Variants in DGKI observed in about 807,000 individuals in gnomAD.
DGKI encodes DAG kinase iota.
Under a neutral mutation model 147.5 loss-of-function variants are expected in DGKI, and 55 were observed. The observed-to-expected ratio is 0.37, with a 90% CI of 0.30 to 0.47. The LOEUF (loss-of-function observed/expected upper bound fraction) is 0.47, where lower values mean the gene tolerates loss of function less well. Among genes scored for constraint, DGKI ranks in the 20% least tolerant of loss-of-function variants. The probability of loss-of-function intolerance (pLI) is 1.00; values close to 1 mark genes in which losing one functional copy is unlikely to be tolerated. For missense variants in DGKI, 1,007 were observed against 1,323.8 expected (o/e 0.76, Z 3.71); for synonymous variants, 469 against 477.1 (o/e 0.98, Z 0.22).
chr7:137,640,680 T>A (rs1821593275), intron 6 of DGKI, among the ~76,000 whole-genome samples: 1 of 152,182 alleles, frequency 6.6e-6, no homozygotes, highest in South Asian at 2.1e-4. Flanking sequence ...CCATTATTTT[T>A]ATACTCTGTA....
rs1811457437 is a variant in DGKI at position 137,393,995 on chromosome 7, G to GT, written c.3057+1602dup. Reference sequence around the variant, plus strand: ...TTAATTAGGCTTCTAAGTAATCTATGTATGTGTCATGGTTACAACCATTGG... The same window carrying GT: ...TTAATTAGGCTTCTAAGTAATCTATGTTATGTGTCATGGTTACAACCATTGG... On this transcript the variant is annotated intron_variant, in intron 32 of 32. Coordinates refer to ENST00000614521, the MANE Select transcript of DGKI (RefSeq NM_001321708.2). Among the ~76,000 whole-genome samples the GT allele has an allele frequency of 2.3e-4, 35 of 152,290 alleles. 3 individuals are homozygous for GT. In the South Asian group the frequency reaches 7.3e-3, roughly 32 times the overall value.
intron 1 of DGKI, among the ~76,000 whole-genome samples, chr7:137,750,748 T>A (rs1472224240): frequency 1.3e-5 from 2 of 152,138 alleles, no homozygotes; most frequent in Non-Finnish European, 2.9e-5. Flanking sequence ...TTCAATACTT[T>A]ACTCCTACAT....
intron 3 of DGKI, among the ~76,000 whole-genome samples, chr7:137,667,703 T>A (rs1306511406): frequency 1.3e-5 from 2 of 152,224 alleles, no homozygotes; most frequent in African/African-American, 2.4e-5. Flanking sequence ...AAGTTAGTTA[T>A]CCTTTCACTG....
intron 1 of DGKI, among the ~76,000 whole-genome samples, chr7:137,838,730 G>A (rs1361404912): frequency 1.3e-5 from 2 of 152,118 alleles, no homozygotes; most frequent in Non-Finnish European, 2.9e-5. Context: ...ACAGTCCTGA[G>A]CCGTTTTATT....
At chr7:137,604,752 A>G (rs997311817) in intron 10 of DGKI, among the ~76,000 whole-genome samples, 11 of 152,184 alleles carry the variant, frequency 7.2e-5, no homozygotes, top group African/African-American at 2.4e-5. Context: ...AGGTCACTGG[A>G]AGAGAAAGTC....
At chr7:137,673,002 G>C (rs1442500512) in intron 3 of DGKI, among the ~76,000 whole-genome samples, 1 of 151,854 alleles carries the variant, frequency 6.6e-6, no homozygotes, top group Admixed American at 6.6e-5. Flanking sequence ...GGCTGGTCTT[G>C]AACTCCCGAC....
At chr7:137,706,019 T>C (rs1794010278) in intron 1 of DGKI, among the ~76,000 whole-genome samples, 1 of 152,166 alleles carries the variant, frequency 6.6e-6, no homozygotes, top group South Asian at 2.1e-4. Context: ...CCAAGCATGC[T>C]AGTCTATTAA....
At chr7:137,755,939 C>A (rs955085639) in intron 1 of DGKI, among the ~76,000 whole-genome samples, 1 of 152,144 alleles carries the variant, frequency 6.6e-6, no homozygotes, top group African/African-American at 2.4e-5. Flanking sequence ...AATGGGTAAC[C>A]AAGCATGTCC....
At chr7:137,815,165 C>CTAGAA (rs1297690695) in intron 1 of DGKI, among the ~76,000 whole-genome samples, 24 of 152,024 alleles carry the variant, frequency 1.6e-4, no homozygotes, top group African/African-American at 5.8e-4. Flanking sequence ...GAATTCCTTC[C>CTAGAA]CCTGAATCTT....
At position 137,457,613 on chromosome 7, in the gene DGKI, C is replaced by T. The variant is rs188482250; in HGVS notation, c.2735+5876G>A. Among the ~76,000 whole-genome samples, 16 of 152,136 alleles carry T rather than the reference C, an allele frequency of 1.1e-4. No individual in the cohort carries two copies. The East Asian group carries it at 3.1e-3, about 29-fold the overall frequency. On this transcript the variant is annotated intron_variant, in intron 27 of 32. Coordinates refer to ENST00000614521, the MANE Select transcript of DGKI (RefSeq NM_001321708.2). ...TTCAGAATTGCAATTGCAGACTATA[C>T]TAAAAAGGCCAGTTTTTCAGTTTAA...
intron 6 of DGKI, among the ~76,000 whole-genome samples, chr7:137,625,459 C>CA (rs1239100312): frequency 3.3e-5 from 5 of 150,548 alleles, no homozygotes; most frequent in East Asian, 2.0e-4. Flanking sequence ...GACTCCATCT[C>CA]AAAAAAAATA....
At chr7:137,472,392 T>TAATAATTATAATATGTATATATACA in intron 23 of DGKI, among the ~76,000 whole-genome samples, 1 of 12,842 alleles carries the variant, frequency 7.8e-5, no homozygotes, top group Non-Finnish European at 2.9e-4. Flanking sequence ...TATATACATA[T>TAATAATTATAATATGTATATATACA]TATAATTATT....
intron 19 of DGKI, among the ~76,000 whole-genome samples, chr7:137,563,545 A>G (rs1818486460): frequency 2.6e-5 from 4 of 152,078 alleles, no homozygotes; most frequent in South Asian, 2.1e-4. Context: ...AATCTATTAA[A>G]AAAAACAAGC....
At chr7:137,614,115 C>G (rs1820455530) in intron 8 of DGKI, among the ~76,000 whole-genome samples, 1 of 152,062 alleles carries the variant, frequency 6.6e-6, no homozygotes, top group African/African-American at 2.4e-5. Context: ...ATCATTCTTT[C>G]AAAGAAACCA....
chr7:137,765,896 T>C (rs963242314), intron 1 of DGKI, among the ~76,000 whole-genome samples: 5 of 152,198 alleles, frequency 3.3e-5, no homozygotes, highest in African/African-American at 1.2e-4. Context: ...TTATCTATGT[T>C]CCTAGGAGAA....
chr7:137,684,856 G>A (rs780978709), intron 2 of DGKI, among the ~76,000 whole-genome samples: 1 of 152,124 alleles, frequency 6.6e-6, no homozygotes, highest in Non-Finnish European at 1.5e-5. Context: ...GGGGCCTGAC[G>A]CCCAAAATTA....
intron 3 of DGKI, among the ~76,000 whole-genome samples, chr7:137,665,628 C>T (rs1048608277): frequency 3.3e-5 from 5 of 152,236 alleles, no homozygotes; most frequent in African/African-American, 1.2e-4. Flanking sequence ...CCTGAGTAAC[C>T]TCAGATGTGC....
intron 1 of DGKI, among the ~76,000 whole-genome samples, chr7:137,802,069 G>A (rs1797228207): frequency 6.6e-6 from 1 of 152,124 alleles, no homozygotes; most frequent in Non-Finnish European, 1.5e-5. Flanking sequence ...GCCACAAAAA[G>A]GAATGAAACA....
chr7:137,673,149 C>T (rs929126952), intron 3 of DGKI, among the ~76,000 whole-genome samples: 1 of 152,102 alleles, frequency 6.6e-6, no homozygotes, highest in South Asian at 2.1e-4. Flanking sequence ...ATGAACTCAT[C>T]CTAATTAATT....
Sources: allele counts gnomAD v4.1 joint callset (sites outside exome capture counted in the v4.1 genomes callset), GRCh38; gene constraint gnomAD v4.1.1; transcripts MANE v1.5; gene names NCBI Gene and HGNC (gene_info 2026-07-23, HGNC 2026-07-21).